The following TMEM117 variants were observed in gnomAD, a reference collection of about 807,000 sequenced individuals.
TMEM117 encodes transmembrane protein 117.
In TMEM117, 27 loss-of-function variants were observed where a neutral mutation model predicts 52.4. The ratio of observed to expected loss-of-function variants is 0.51; its 90% confidence interval spans 0.38 to 0.71. TMEM117 has a LOEUF of 0.71. Among genes scored for constraint, TMEM117 ranks in the 30% least tolerant of loss-of-function variants. The pLI is 0.00. For missense variants in TMEM117, 556 were observed against 630.5 expected (o/e 0.88, Z 1.26); for synonymous variants, 215 against 206.3 (o/e 1.04, Z -0.36).
chr12:43,807,343 A>G, the TMEM117 span, among the ~76,000 whole-genome samples: 1 of 152,360 alleles, frequency 6.6e-6, no homozygotes, highest in East Asian at 1.9e-4. Context: ...TTTTCTTTAC[A>G]AGAATCACAG....
intron 6 of TMEM117, among the ~76,000 whole-genome samples, chr12:44,359,392 T>C (rs1951693130): frequency 6.6e-6 from 1 of 152,098 alleles, no homozygotes. Context: ...TATTACCTTA[T>C]GTCTTTTTGT....
intron 6 of TMEM117, among the ~76,000 whole-genome samples, chr12:44,328,846 G>T (rs1225439546): frequency 2.0e-5 from 3 of 151,968 alleles, no homozygotes; most frequent in Non-Finnish European, 4.4e-5. Context: ...CAAGTCTCTT[G>T]TTACATCAAT....
the TMEM117 span, among the ~76,000 whole-genome samples, chr12:43,800,017 A>C: frequency 6.6e-6 from 1 of 152,122 alleles, no homozygotes; most frequent in Admixed American, 6.5e-5. Context: ...AAATTAAGAA[A>C]CCAGCCCACT....
chr12:43,986,282 TA>T (rs1177814488), intron 3 of TMEM117, among the ~76,000 whole-genome samples: 6 of 152,144 alleles, frequency 3.9e-5, no homozygotes, highest in African/African-American at 7.2e-5. Flanking sequence ...AAAGAAGAAA[TA>T]AAAATCATCT....
intron 5 of TMEM117, among the ~76,000 whole-genome samples, chr12:44,222,262 G>A (rs1050723849): frequency 1.3e-5 from 2 of 152,082 alleles, no homozygotes; most frequent in Admixed American, 1.3e-4. Flanking sequence ...AAGGGTCTTT[G>A]AATCCAGGCC....
chr12:43,948,114 T>C (rs899344057), intron 3 of TMEM117, among the ~76,000 whole-genome samples: 2 of 151,966 alleles, frequency 1.3e-5, no homozygotes, highest in African/African-American at 4.8e-5. Flanking sequence ...GCTTTAGACA[T>C]CTCTGGGGAG....
intron 3 of TMEM117, among the ~76,000 whole-genome samples, chr12:44,067,524 A>G (rs1025388906): frequency 1.3e-5 from 2 of 152,184 alleles, no homozygotes; most frequent in African/African-American, 4.8e-5. Context: ...CATCTCCCTC[A>G]GAGCTCTTGG....
chr12:44,276,839 C>CT (rs1950517456), intron 5 of TMEM117, among the ~76,000 whole-genome samples: 1 of 151,464 alleles, frequency 6.6e-6, no homozygotes, highest in Admixed American at 6.6e-5. Context: ...TGTCTATTAG[C>CT]TAGACCTGTT....
chr12:43,982,734 A>G (rs1240027059), intron 3 of TMEM117, among the ~76,000 whole-genome samples: 2 of 152,206 alleles, frequency 1.3e-5, no homozygotes, highest in African/African-American at 4.8e-5. Context: ...TAAACTGTGA[A>G]TAGAATGACT....
intron 2 of TMEM117, among the ~76,000 whole-genome samples, chr12:43,907,277 C>A (rs1944409472): frequency 6.6e-6 from 1 of 151,796 alleles, no homozygotes; most frequent in African/African-American, 2.4e-5. Flanking sequence ...AGACCTGCAG[C>A]CGAGGGTCCT....
intron 4 of TMEM117, among the ~76,000 whole-genome samples, chr12:44,158,351 T>G (rs1948855049): frequency 6.6e-6 from 1 of 152,188 alleles, no homozygotes; most frequent in Admixed American, 6.6e-5. Context: ...ATTCGAAAGT[T>G]TTGACAAAAC....
At chr12:43,888,404 G>A (rs1262381100) in intron 2 of TMEM117, among the ~76,000 whole-genome samples, 4 of 152,106 alleles carry the variant, frequency 2.6e-5, no homozygotes, top group African/African-American at 4.8e-5. Context: ...CTCTTTGTTA[G>A]TAGGGGTTTG....
chr12:43,946,069 T>A (rs886385184), intron 3 of TMEM117, among the ~76,000 whole-genome samples: 8 of 152,256 alleles, frequency 5.3e-5, no homozygotes, highest in Non-Finnish European at 1.0e-4. Context: ...TAAAATACTT[T>A]GTAATTATTT....
chr12:43,867,791 A>G (rs991213616), intron 2 of TMEM117, among the ~76,000 whole-genome samples: 1 of 152,198 alleles, frequency 6.6e-6, no homozygotes, highest in Admixed American at 6.5e-5. Flanking sequence ...AATATCTGAT[A>G]CTAAAACTAA....
chr12:44,379,206 G>C (rs755148932), intron 7 of TMEM117, among the ~76,000 whole-genome samples: 2 of 151,148 alleles, frequency 1.3e-5, no homozygotes, highest in Non-Finnish European at 3.0e-5. Context: ...AAGGAAGGAA[G>C]GAAGTTTGGC....
chr12:43,979,964 A>G (rs1226089824), intron 3 of TMEM117, among the ~76,000 whole-genome samples: 1 of 152,086 alleles, frequency 6.6e-6, no homozygotes, highest in Non-Finnish European at 1.5e-5. Flanking sequence ...CATTTTCTCT[A>G]ATGCTTTTTC....
At chr12:44,181,021 C>G (rs1338962038) in intron 4 of TMEM117, among the ~76,000 whole-genome samples, 2 of 152,088 alleles carry the variant, frequency 1.3e-5, no homozygotes, top group Non-Finnish European at 1.5e-5. Flanking sequence ...CCTGTTGTTT[C>G]CTGACTTTTT....
Position 44,388,170 on chromosome 12 carries a change from G to A in TMEM117, c.1043G>A (p.Ser348Asn). The change falls in exon 8 of 8, where the codon AGT becomes AAT. Residue 348 changes from serine (S) to asparagine (N), a missense_variant. Physicochemically the swap from Ser to Asn is conservative, Grantham distance 46. Around this residue, in one of 3 missense-constraint regions of TMEM117, gnomAD observed 206 missense variants for 211.1 expected, o/e 0.98. Transcript: ENST00000266534. ...QKIYTVKDSE[S>N]LKDLNRTKLS... Reference sequence around the variant, plus strand: ...ATATATACAGTGAAAGACTCAGAAAGTTTAAAAGATTTGAACAGAACCAAG... The same window carrying A: ...ATATATACAGTGAAAGACTCAGAAAATTTAAAAGATTTGAACAGAACCAAG... The A allele has an allele frequency of 6.2e-7, 1 of 1,613,328 alleles. No homozygotes were observed. The highest frequency in any genetic ancestry group is 8.5e-7 in the Non-Finnish European group (1 of 1,179,602).
chr12:44,245,398 C>T (rs1331141947), intron 5 of TMEM117, among the ~76,000 whole-genome samples: 1 of 151,878 alleles, frequency 6.6e-6, no homozygotes, highest in African/African-American at 2.4e-5. Context: ...TAGTTTTCAA[C>T]ATACAGATTT....
Sources: gnomAD v4.1 joint callset for allele counts (sites outside exome capture counted in the v4.1 genomes callset) on GRCh38, gnomAD v4.1.1 for gene constraint, gnomAD v4.1.1 regional missense constraint, MANE v1.5 for transcripts, NCBI Gene and HGNC (gene_info 2026-07-23, HGNC 2026-07-21) for gene names.